The following EFL1 variants were observed in gnomAD, a reference collection of about 807,000 sequenced individuals.
The protein encoded by EFL1 is elongation factor like GTPase 1.
In EFL1, 76 loss-of-function variants were observed where a neutral mutation model predicts 126.7. That is an observed-to-expected ratio of 0.60 (90% CI 0.50 to 0.73). The LOEUF is 0.73. Ranked by LOEUF, EFL1 falls within the 30% of genes least tolerant of loss-of-function variation. The pLI, the probability that EFL1 is intolerant of heterozygous loss-of-function variation, is 0.00. For synonymous variants in EFL1, 410 were observed against 448.4 expected (o/e 0.91, Z 1.08); for missense variants, 1,128 against 1,343.2 (o/e 0.84, Z 2.50).
At chr15:82,147,880 G>C (rs894292102) in intron 18 of EFL1, among the ~76,000 whole-genome samples, 1 of 152,126 alleles carries the variant, frequency 6.6e-6, no homozygotes, top group Non-Finnish European at 1.5e-5. Flanking sequence ...AACTCAGGTG[G>C]ATCAGTAGCA....
intron 18 of EFL1, among the ~76,000 whole-genome samples, chr15:82,146,911 T>C (rs921570550): frequency 3.9e-5 from 6 of 152,110 alleles, no homozygotes; most frequent in Non-Finnish European, 5.9e-5. Flanking sequence ...TATTTCTTCC[T>C]GGAAAGTGGC....
chr15:82,245,837 A>AG (rs1567077890), intron 4 of EFL1, among the ~76,000 whole-genome samples: 2 of 151,510 alleles, frequency 1.3e-5, no homozygotes, highest in Non-Finnish European at 2.9e-5. Context: ...CGGGAGGCTG[A>AG]GGCAGGAGGA....
intron 7 of EFL1, among the ~76,000 whole-genome samples, chr15:82,237,977 A>C (rs958661340): frequency 6.6e-6 from 1 of 152,158 alleles, no homozygotes; most frequent in Non-Finnish European, 1.5e-5. Flanking sequence ...TTTGGAGATA[A>C]ATGGTTGTCA....
At chr15:82,167,410 C>T (rs565807664) in intron 15 of EFL1, among the ~76,000 whole-genome samples, 41 of 152,230 alleles carry the variant, frequency 2.7e-4, no homozygotes, top group African/African-American at 9.9e-4. Context: ...TCCTCATAAT[C>T]AAAAACCAGT....
rs1201334774 is a variant in EFL1 at position 82,152,063 on chromosome 15, T to C, written c.2391A>G (p.Gln797=). Residue 797 remains glutamine (Q), a synonymous_variant, in exon 18 of 20, where the codon CAA becomes CAG. Transcript: ENST00000268206. ...TTCCTTTGAATTCCCAAATTTTCTC[T>C]TGGGTCTTCTGATGAATCATGTGAG... is the stretch of plus-strand genomic sequence containing the variant. ...ENTHMIHQKT[Q]EKIWEFKGKL... 6.2e-7 allele frequency: 1 copy of C among 1,614,184 alleles called. No individual in the cohort carries two copies. The highest frequency in any genetic ancestry group is 2.2e-5 in the East Asian group (1 of 44,882).
In EFL1 at chr15:82,250,840, A is replaced by C. The variant is rs150904678; in HGVS notation, c.244+1851T>G. Among the ~76,000 whole-genome samples, 410 of 152,260 alleles carry C rather than the reference A, an allele frequency of 2.7e-3. 4 individuals are homozygous for C. The highest frequency in any genetic ancestry group is 9.4e-3 in the African/African-American group (391 of 41,526). Reference sequence around the variant, plus strand: ...CGTTTTCATGAATATTATTTCCAATATCATTTCACACATATGCTTTCAATA... The same window carrying C: ...CGTTTTCATGAATATTATTTCCAATCTCATTTCACACATATGCTTTCAATA... On this transcript the variant is annotated intron_variant, in intron 4 of 19. Coordinates refer to ENST00000268206, the MANE Select transcript of EFL1 (RefSeq NM_024580.6).
chr15:82,177,760 G>C (rs1393189509), intron 15 of EFL1, among the ~76,000 whole-genome samples: 1 of 152,122 alleles, frequency 6.6e-6, no homozygotes, highest in African/African-American at 2.4e-5. Flanking sequence ...GAATTTTCAA[G>C]TGTCTCCTTC....
At chr15:82,192,445 G>A (rs2074369177) in intron 15 of EFL1, among the ~76,000 whole-genome samples, 1 of 151,664 alleles carries the variant, frequency 6.6e-6, no homozygotes, top group South Asian at 2.1e-4. Flanking sequence ...GTAAAATGAG[G>A]TGTTTTGAAA....
intron 19 of EFL1, among the ~76,000 whole-genome samples, chr15:82,138,256 G>A (rs756441059): frequency 2.0e-5 from 3 of 152,210 alleles, no homozygotes; most frequent in South Asian, 2.1e-4. Flanking sequence ...AATTACTGGA[G>A]ATATTTTTTT....
chr15:82,241,690 C>T (rs1362751927), intron 4 of EFL1, among the ~76,000 whole-genome samples: 1 of 152,206 alleles, frequency 6.6e-6, no homozygotes, highest in Non-Finnish European at 1.5e-5. Context: ...ATGTGCTAAT[C>T]ACATATTATT....
chr15:82,212,380 G>A (rs2074599641), intron 15 of EFL1, among the ~76,000 whole-genome samples: 1 of 152,138 alleles, frequency 6.6e-6, no homozygotes, highest in African/African-American at 2.4e-5. Flanking sequence ...AATCATTTGG[G>A]AAAACAAGCC....
Position 82,141,955 on chromosome 15 carries a change from G to A in EFL1, c.2990-3113C>T, listed in dbSNP as rs545019105. Among the ~76,000 whole-genome samples the A allele has an allele frequency of 5.3e-5, 8 of 152,226 alleles. No homozygotes were observed. The South Asian group carries it at 1.7e-3, about 32-fold the overall frequency. On this transcript the variant is annotated intron_variant, in intron 18 of 19. Transcript: ENST00000268206. The stretch of plus-strand genomic sequence containing the variant: ...ATGAAAACTATATGTTGATACTGGG[G>A]CATAGTTATGGATCACCAAGCATAG...
intron 15 of EFL1, among the ~76,000 whole-genome samples, chr15:82,189,086 T>C (rs2074331461): frequency 6.6e-6 from 1 of 152,156 alleles, no homozygotes. Context: ...ACTACACACC[T>C]AGGCCAATAT....
At position 82,152,008 on chromosome 15, in the gene EFL1, A is replaced by C; in HGVS notation, c.2446T>G (p.Trp816Gly). 1 of 1,614,056 alleles carries C rather than the reference A, an allele frequency of 6.2e-7. No homozygotes were observed. The highest frequency in any genetic ancestry group is 1.3e-5 in the African/African-American group (1 of 75,024). Residue 816 changes from tryptophan (W) to glycine (G), a missense_variant, in exon 18 of 20, where the codon TGG becomes GGG. Trp to Gly is a radical substitution (Grantham distance 184). This residue lies in a region of EFL1 where 561 missense variants were observed against 641.7 expected (regional missense o/e 0.87). Transcript: ENST00000268206. ...KLEQHLTGRR[W>G]RNIVDQIWSF... The stretch of plus-strand genomic sequence containing the variant: ...CAGATTTGGTCAACAATGTTCCTCC[A>C]TCTTCTCCCTGTTAGGTGTTGCTCC...
intron 15 of EFL1, among the ~76,000 whole-genome samples, chr15:82,172,467 AG>A (rs2074146814): frequency 6.6e-6 from 1 of 152,190 alleles, no homozygotes; most frequent in Non-Finnish European, 1.5e-5. Context: ...GTTAGTGAGC[AG>A]GGGCCAGTGC....
intron 13 of EFL1, 66 bp from the exon 14 acceptor site, chr15:82,219,884 T>C (rs2074691250): frequency 2.6e-6 from 4 of 1,538,826 alleles, no homozygotes; most frequent in South Asian, 1.3e-5. Flanking sequence ...GTCTGAAATA[T>C]AGAAGGAGGA....
At chr15:82,173,833 A>T (rs1329210211) in intron 15 of EFL1, among the ~76,000 whole-genome samples, 1 of 152,192 alleles carries the variant, frequency 6.6e-6, no homozygotes, top group Non-Finnish European at 1.5e-5. Context: ...TCTATATTTA[A>T]ACAAATGGTC....
intron 19 of EFL1, among the ~76,000 whole-genome samples, chr15:82,132,050 T>A (rs541873311): frequency 3.3e-5 from 5 of 152,226 alleles, no homozygotes; most frequent in East Asian, 3.9e-4. Flanking sequence ...TGGACCAAGA[T>A]AATAAAATAA....
chr15:82,140,209 A>T (rs954141134), intron 18 of EFL1, among the ~76,000 whole-genome samples: 1 of 152,112 alleles, frequency 6.6e-6, no homozygotes, highest in African/African-American at 2.4e-5. Flanking sequence ...CTCACATCTT[A>T]AACAGGTAGC....
Sources: allele counts gnomAD v4.1 joint callset (sites outside exome capture counted in the v4.1 genomes callset), GRCh38; gene constraint gnomAD v4.1.1; regional missense constraint gnomAD v4.1.1; transcripts MANE v1.5; gene names NCBI Gene and HGNC (gene_info 2026-07-23, HGNC 2026-07-21).